The following PPFIA1 variants were observed in gnomAD, a reference collection of about 807,000 sequenced individuals.
PPFIA1 encodes PPFI scaffold protein A1.
A neutral mutation model predicts 149.9 loss-of-function variants in PPFIA1; 25 were observed. The observed-to-expected ratio is 0.17, with a 90% confidence interval of 0.12 to 0.23. PPFIA1 has a LOEUF of 0.23. Ranked by LOEUF, PPFIA1 falls within the 10% of genes least tolerant of loss-of-function variation. The pLI is 1.00. For missense variants in PPFIA1, 1,362 were observed against 1,506.5 expected, an observed-to-expected ratio of 0.90 and a Z score of 1.59; for synonymous variants, 549 against 552.8, an observed-to-expected ratio of 0.99 and a Z score of 0.10.
chr11:70,337,474 TTGA>T lies in PPFIA1; in HGVS notation c.1491+58_1491+60del. ...CCATGAAGAGCCAAGTTGAACTGAGTTGATGATGATGATAGTTACTGCAGATGT... is the reference window on the plus strand; with the variant it reads ...CCATGAAGAGCCAAGTTGAACTGAGTTGATGATGATAGTTACTGCAGATGT... On this transcript the variant is annotated intron_variant, in intron 12 of 27. Transcript: ENST00000253925. The T allele has an allele frequency of 8.5e-6, 12 of 1,409,248 alleles. No homozygotes were observed. In the East Asian group the frequency reaches 9.6e-5, roughly 11 times the overall value. 87.3% of individuals were successfully genotyped at this position (1,409,248 alleles called of 1,614,324 possible).
At chr11:70,376,105 C>T (rs1200256833) in intron 24 of PPFIA1, among the ~76,000 whole-genome samples, 2 of 152,122 alleles carry the variant, frequency 1.3e-5, no homozygotes, top group African/African-American at 2.4e-5. Context: ...TTTCCTGCCT[C>T]ATCCTCCCAA....
chr11:70,374,889 C>G, intron 23 of PPFIA1, 29 bp from the exon 24 acceptor site: 2 of 1,604,244 alleles, frequency 1.2e-6, no homozygotes, highest in Non-Finnish European at 1.7e-6. Context: ...TCTGAAGCCA[C>G]TTTTATAATT....
At chr11:70,375,648 A>G (rs11236048) in intron 24 of PPFIA1, 50,406 of 151,848 alleles carry the variant, frequency 0.33, 10,476 homozygotes, top group African/African-American at 0.59. Context: ...AAAATTAGCC[A>G]GGTGTGGTGG....
chr11:70,354,472 C>T lies in PPFIA1; in HGVS notation c.2315+20C>T. The T allele has an allele frequency of 1.3e-6, 2 of 1,596,746 alleles. No homozygotes were observed. The highest frequency in any genetic ancestry group is 1.7e-4 in the Middle Eastern group (1 of 5,960). ...AAGGAAGTAAGGAGCCTGCAGCAGC[C>T]CCATGCAGAGCGCACCTGTCTTTTC... On this transcript the variant is annotated intron_variant, in intron 17 of 27. Coordinates refer to ENST00000253925, the MANE Select transcript of PPFIA1 (RefSeq NM_003626.5).
intron 14 of PPFIA1, among the ~76,000 whole-genome samples, chr11:70,343,091 G>T (rs1211458452): frequency 6.6e-6 from 1 of 151,898 alleles, no homozygotes; most frequent in Non-Finnish European, 1.5e-5. Flanking sequence ...GGGATTACAG[G>T]CATGAGCCAC....
chr11:70,352,534 C>T (rs537562970), intron 16 of PPFIA1, among the ~76,000 whole-genome samples: 65 of 152,134 alleles, frequency 4.3e-4, no homozygotes, highest in South Asian at 8.3e-4. Context: ...GGAGCCTAGG[C>T]CTCGGGTGGT....
intron 2 of PPFIA1, among the ~76,000 whole-genome samples, chr11:70,291,907 G>T (rs936583890): frequency 6.9e-6 from 1 of 145,732 alleles, no homozygotes; most frequent in East Asian, 2.0e-4. Context: ...GTGCGATCTC[G>T]GCTCACGGCA....
Position 70,303,418 on chromosome 11 carries a change from C to T in PPFIA1, c.265-20984C>T, listed in dbSNP as rs550024204. Among the ~76,000 whole-genome samples the T allele has an allele frequency of 4.6e-5, 7 of 152,274 alleles. No individual in the cohort carries two copies. The South Asian group carries it at 1.2e-3, about 27-fold the overall frequency. The stretch of plus-strand genomic sequence containing the variant: ...ACATGTAAAAGCTGCTTGTGGCTTT[C>T]CTTGCTAATATGAGCCTGAAAAATG... On this transcript the variant is annotated intron_variant, in intron 2 of 27. Transcript: ENST00000253925.
At chr11:70,356,639 T>G (rs1025532179) in intron 19 of PPFIA1, among the ~76,000 whole-genome samples, 7 of 152,214 alleles carry the variant, frequency 4.6e-5, no homozygotes, top group African/African-American at 1.7e-4. Flanking sequence ...ACATACCTTG[T>G]ATGGCTTTTA....
rs1051088904 is a variant in PPFIA1, at chr11:70,303,947, G to T, written c.265-20455G>T. On this transcript the variant is annotated intron_variant, in intron 2 of 27. Transcript: ENST00000253925. ...CTTGAACCCAGGAGGCGGAGGTTGC[G>T]GTGAGCTGAGATCGCGCCACTGCAC... 2.0e-5 allele frequency among the ~76,000 whole-genome samples: 3 copies of T among 152,120 alleles called. No individual in the cohort carries two copies. The East Asian group carries it at 5.8e-4, about 29-fold the overall frequency.
Position 70,348,364 on chromosome 11 carries a change from C to G in PPFIA1, c.2107C>G (p.Arg703Gly), listed in dbSNP as rs1022841762. 1.2e-6 allele frequency: 2 copies of G among 1,614,116 alleles called. No individual in the cohort carries two copies. Among genetic ancestry groups the G allele is most frequent in the Admixed American group, 3.3e-5 (2 of 60,022 alleles). The change falls in exon 16 of 28, where the codon CGA becomes GGA. Residue 703 changes from arginine to glycine, a missense_variant. Coordinates refer to ENST00000253925, the MANE Select transcript of PPFIA1 (RefSeq NM_003626.5). Reference protein sequence around the residue: ...SPPGSGRSTPRRIPHSPAREV... With the variant: ...SPPGSGRSTPGRIPHSPAREV... ...TCCGGGCAGTGGGCGCTCCACCCCA[C>G]GAAGGATCCCTCACAGCCCAGCTCG...
chr11:70,356,838 A>G (rs2056386705), intron 19 of PPFIA1, among the ~76,000 whole-genome samples: 1 of 152,194 alleles, frequency 6.6e-6, no homozygotes, highest in Non-Finnish European at 1.5e-5. Context: ...GGGTAGTTTT[A>G]TCTCAAATAG....
At chr11:70,329,050 T>A (rs1372485088) in intron 7 of PPFIA1, among the ~76,000 whole-genome samples, 1 of 152,216 alleles carries the variant, frequency 6.6e-6, no homozygotes, top group Admixed American at 6.5e-5. Flanking sequence ...TACTTCTGTT[T>A]CCATTTGTCA....
At chr11:70,331,063 C>G (rs551607830) in intron 8 of PPFIA1, among the ~76,000 whole-genome samples, 1 of 152,136 alleles carries the variant, frequency 6.6e-6, no homozygotes, top group African/African-American at 2.4e-5. Flanking sequence ...GAAACTGCGT[C>G]TCTACTAAAA....
intron 15 of PPFIA1, among the ~76,000 whole-genome samples, chr11:70,346,262 G>A (rs1202450110): frequency 6.6e-6 from 1 of 152,118 alleles, no homozygotes; most frequent in Non-Finnish European, 1.5e-5. Flanking sequence ...GAATCCAAGG[G>A]AGGAGCAGGT....
intron 18 of PPFIA1, 105 bp from the exon 19 acceptor site, chr11:70,356,056 G>T: frequency 9.2e-7 from 1 of 1,091,876 alleles, no homozygotes; most frequent in Non-Finnish European, 1.4e-6. Context: ...TTAGCCTTAA[G>T]AAATGATTTA....
At chr11:70,336,567 G>A (rs1458555665) in intron 11 of PPFIA1, among the ~76,000 whole-genome samples, 7 of 151,214 alleles carry the variant, frequency 4.6e-5, no homozygotes, top group Non-Finnish European at 1.0e-4. Context: ...AGGTTGTATC[G>A]TGTACTAGAA....
At chr11:70,273,147 G>A (rs191766728) in intron 2 of PPFIA1, among the ~76,000 whole-genome samples, 129 of 152,226 alleles carry the variant, frequency 8.5e-4, no homozygotes, top group African/African-American at 2.7e-3. Flanking sequence ...GCGTGGTAGC[G>A]CGCATCTGTA....
intron 19 of PPFIA1, 63 bp downstream of exon 19, chr11:70,356,317 A>G: frequency 1.0e-5 from 13 of 1,242,882 alleles, no homozygotes; most frequent in Non-Finnish European, 1.5e-5. Flanking sequence ...AGCTCTAACT[A>G]GTGTTTGTTA....
Sources: allele counts gnomAD v4.1 joint callset (sites outside exome capture counted in the v4.1 genomes callset), GRCh38; gene constraint gnomAD v4.1.1; transcripts MANE v1.5; gene names NCBI Gene and HGNC (gene_info 2026-07-23, HGNC 2026-07-21).